SPIDR: variants seen among roughly 807,000 people sequenced by gnomAD.
SPIDR encodes the protein DNA repair-scaffolding protein.
SPIDR carries 93 observed loss-of-function variants against 104.6 expected under a neutral mutation model. The observed-to-expected ratio is 0.89, with a 90% CI of 0.75 to 1.06. SPIDR has a LOEUF of 1.06. SPIDR is among the 50% of genes least tolerant of loss of function. The probability of loss-of-function intolerance (pLI) is 0.00; values close to 1 mark genes in which losing one functional copy is unlikely to be tolerated. For synonymous variants in SPIDR, 431 were observed against 416.9 expected (o/e 1.03, Z -0.41); for missense variants, 1,154 against 1,111.2 (o/e 1.04, Z -0.55).
At chr8:47,471,170 A>G (rs2075651948) in intron 8 of SPIDR, among the ~76,000 whole-genome samples, 8 of 152,230 alleles carry the variant, frequency 5.3e-5, no homozygotes. Flanking sequence ...AAAATAGTTA[A>G]GTTGAACTCT....
chr8:47,458,093 A>G (rs2073306769), intron 8 of SPIDR, among the ~76,000 whole-genome samples: 1 of 151,150 alleles, frequency 6.6e-6, no homozygotes, highest in South Asian at 2.1e-4. Flanking sequence ...GGTAAATTTT[A>G]GGATTGTGTT....
At chr8:47,606,153 C>G (rs529130455) in intron 10 of SPIDR, among the ~76,000 whole-genome samples, 1 of 152,062 alleles carries the variant, frequency 6.6e-6, no homozygotes, top group African/African-American at 2.4e-5. Context: ...AGAAAACTGC[C>G]CTAATGCTGG....
chr8:47,381,783 C>A (rs2059359103), intron 5 of SPIDR, among the ~76,000 whole-genome samples: 1 of 152,244 alleles, frequency 6.6e-6, no homozygotes, highest in Non-Finnish European at 1.5e-5. Flanking sequence ...CACAGAGCCG[C>A]CCCGTGGCAC....
chr8:47,492,544 T>A (rs1033212730), intron 8 of SPIDR, among the ~76,000 whole-genome samples: 2 of 152,206 alleles, frequency 1.3e-5, no homozygotes, highest in South Asian at 4.1e-4. Context: ...CCAGAATGAC[T>A]CTTTGGTTCC....
rs573096190 is a variant in SPIDR, at chr8:47,733,619, G to T, written c.2605-1688G>T. The stretch of plus-strand genomic sequence containing the variant: ...TATGCCGCCTCCACCCTCCCTCCCC[G>T]TGCGGTGACCCTGCTTCTGCTTCTG... On this transcript the variant is annotated intron_variant, in intron 19 of 19. Transcript: ENST00000297423. Among the ~76,000 whole-genome samples, 149 of 152,028 alleles carry T rather than the reference G, an allele frequency of 9.8e-4. 1 individual carries two copies. The highest frequency in any genetic ancestry group is 3.2e-3 in the African/African-American group (134 of 41,476).
intron 9 of SPIDR, 79 bp downstream of exon 9, chr8:47,596,085 AAGATGTT>A: frequency 1.5e-6 from 2 of 1,330,392 alleles, no homozygotes; most frequent in Non-Finnish European, 2.1e-6. Flanking sequence ...AGTGTAAGTG[AAGATGTT>A]AGCCTTTTGT....
intron 10 of SPIDR, among the ~76,000 whole-genome samples, chr8:47,669,850 A>G (rs1306340541): frequency 6.6e-6 from 1 of 152,076 alleles, no homozygotes; most frequent in Admixed American, 6.5e-5. Context: ...AAATACAAAA[A>G]TTAGCCGGGC....
At chr8:47,673,587 T>G in intron 10 of SPIDR, 1 of 617,242 alleles carries the variant, frequency 1.6e-6, no homozygotes, top group Non-Finnish European at 2.8e-6. Context: ...TATCTTGAAT[T>G]CAACGTTTTT....
At chr8:47,687,363 T>C (rs1345584512) in intron 11 of SPIDR, among the ~76,000 whole-genome samples, 8 of 152,258 alleles carry the variant, frequency 5.3e-5, no homozygotes, top group Admixed American at 5.2e-4. Context: ...AATGTAGACA[T>C]ATCTATAAAC....
intron 14 of SPIDR, among the ~76,000 whole-genome samples, chr8:47,705,629 C>T (rs956178583): frequency 1.3e-5 from 2 of 152,190 alleles, no homozygotes; most frequent in Admixed American, 6.5e-5. Context: ...CCAGACTAGG[C>T]GTGGTGGCTC....
chr8:47,490,456 G>T (rs1554738129), intron 8 of SPIDR, among the ~76,000 whole-genome samples: 2 of 152,156 alleles, frequency 1.3e-5, no homozygotes, highest in African/African-American at 4.8e-5. Context: ...CAAGGATCTA[G>T]AACTAGAAAT....
intron 19 of SPIDR, among the ~76,000 whole-genome samples, chr8:47,731,169 T>C (rs534698638): frequency 2.0e-4 from 30 of 151,320 alleles, no homozygotes; most frequent in African/African-American, 7.3e-4. Flanking sequence ...GGCAGGAGAA[T>C]CACTGGAACT....
At chr8:47,705,000 G>A (rs1049139966) in intron 14 of SPIDR, among the ~76,000 whole-genome samples, 3 of 152,192 alleles carry the variant, frequency 2.0e-5, no homozygotes, top group Non-Finnish European at 2.9e-5. Flanking sequence ...TGGGCCAGGC[G>A]GTGGCTCTCT....
intron 5 of SPIDR, among the ~76,000 whole-genome samples, chr8:47,296,470 T>G (rs1469391844): frequency 6.6e-6 from 1 of 152,222 alleles, no homozygotes; most frequent in East Asian, 1.9e-4. Flanking sequence ...TCTAATTTCT[T>G]TCTTTTGCAT....
intron 8 of SPIDR, among the ~76,000 whole-genome samples, chr8:47,515,875 A>T (rs550212817): frequency 2.0e-5 from 3 of 152,134 alleles, no homozygotes; most frequent in East Asian, 3.9e-4. Flanking sequence ...CAGTGGTGTG[A>T]TCTTGGCTCA....
chr8:47,710,470 CT>C (rs879756213), intron 14 of SPIDR, among the ~76,000 whole-genome samples: 1,460 of 142,788 alleles, frequency 0.01, 14 homozygotes, highest in African/African-American at 0.028. Context: ...AAATATTCAC[CT>C]TTTTTTTTTT....
At chr8:47,657,842 C>CA (rs2073138943) in intron 10 of SPIDR, among the ~76,000 whole-genome samples, 1 of 151,718 alleles carries the variant, frequency 6.6e-6, no homozygotes, top group Non-Finnish European at 1.5e-5. Flanking sequence ...CCAGCCTGAG[C>CA]AATATAGTGA....
At chr8:47,402,034 C>A (rs2061971364) in intron 6 of SPIDR, among the ~76,000 whole-genome samples, 1 of 152,222 alleles carries the variant, frequency 6.6e-6, no homozygotes, top group Non-Finnish European at 1.5e-5. Context: ...AATATACATT[C>A]TTCTCAGCAC....
chr8:47,521,301 C>T (rs939972176), intron 8 of SPIDR, among the ~76,000 whole-genome samples: 1 of 152,108 alleles, frequency 6.6e-6, no homozygotes, highest in African/African-American at 2.4e-5. Context: ...ACTGCTTTCT[C>T]CTTAAGAGCA....
Sources: allele counts gnomAD v4.1 joint callset (sites outside exome capture counted in the v4.1 genomes callset), GRCh38; gene constraint gnomAD v4.1.1; transcripts MANE v1.5; gene names NCBI Gene and HGNC (gene_info 2026-07-23, HGNC 2026-07-21).